Variants in TTC16 observed in about 807,000 individuals in gnomAD.
TTC16 encodes tetratricopeptide repeat domain 16.
A neutral mutation model predicts 80.4 loss-of-function variants in TTC16; 66 were observed. That is an observed-to-expected ratio of 0.82 (90% CI 0.67 to 1.01). The LOEUF (loss-of-function observed/expected upper bound fraction) is 1.01, where lower values mean the gene tolerates loss of function less well. TTC16 is among the 50% of genes least tolerant of loss of function. The pLI is 0.00. For missense variants in TTC16, 1,070 were observed against 1,103.2 expected (o/e 0.97, Z 0.43); for synonymous variants, 438 against 451.3 (o/e 0.97, Z 0.37).
chr9:127,727,029 C>T lies in TTC16; in HGVS notation c.1485C>T (p.Thr495=). ...PGMSVEEVLS[T]QIAHLARLQL... ...TGTCGGTGGAGGAGGTGCTTAGCAC[C>T]CAGATAGCCCACCTGGCCAGGCTGC... Residue 495 remains threonine (T), a synonymous_variant, in exon 11 of 14, where the codon ACC becomes ACT. Transcript: ENST00000373289. 6.2e-7 allele frequency: 1 copy of T among 1,612,732 alleles called. No homozygotes were observed. Among genetic ancestry groups the T allele is most frequent in the South Asian group, 1.1e-5 (1 of 91,088 alleles).
In TTC16 at chr9:127,726,359, C is replaced by T; in HGVS notation, c.1380C>T (p.Arg460=). The T allele has an allele frequency of 1.9e-6, 3 of 1,611,696 alleles. No individual in the cohort carries two copies. The highest frequency in any genetic ancestry group is 2.5e-6 in the Non-Finnish European group (3 of 1,179,060). The change falls in exon 10 of 14, where the codon CGC becomes CGT. Residue 460 remains arginine, a synonymous_variant. Coordinates refer to ENST00000373289, the MANE Select transcript of TTC16 (RefSeq NM_144965.3). Reference sequence around the variant, plus strand: ...TGCTGCAGAACATTTTTGGGGCCCGCCAGGATGTGGCCACTGTCCTGCTCC... The same window carrying T: ...TGCTGCAGAACATTTTTGGGGCCCGTCAGGATGTGGCCACTGTCCTGCTCC... The part of the protein sequence containing the change: ...RQLLQNIFGA[R]QDVATVLLLN...
Position 127,730,594 on chromosome 9 carries a change from G to A in TTC16, c.1853-42G>A, listed in dbSNP as rs1209050665. ...CTTTTCCCAGAGCTGTCCAGGGCAG[G>A]TGCGGCAGGCCTGATGGGTGCTTTT... On this transcript the variant is annotated intron_variant, in intron 13 of 13. Transcript: ENST00000373289. The A allele has an allele frequency of 2.5e-6, 4 of 1,594,502 alleles. No individual in the cohort carries two copies. The Admixed American group carries it at 5.1e-5, about 20-fold the overall frequency.
chr9:127,729,776 G>A, intron 13 of TTC16, 108 bp downstream of exon 13: 1 of 1,005,346 alleles, frequency 9.9e-7, no homozygotes, highest in Non-Finnish European at 1.5e-6. Context: ...CCCCGCTGCT[G>A]ACAGCTGGGT....
chr9:127,724,005 C>T, intron 7 of TTC16, 115 bp from the exon 8 acceptor site: 3 of 1,378,044 alleles, frequency 2.2e-6, no homozygotes, highest in Non-Finnish European at 2.9e-6. Flanking sequence ...ATCCCCACTG[C>T]CTCCATGGGT....
chr9:127,720,399 C>T lies in TTC16; in HGVS notation c.657+4C>T, dbSNP rs1286335308. ...ACTCTACAACTTTCTCCAGAAGGTA[C>T]AGTGGGGAGGGCGGGCAGGGGCATG... is the stretch of plus-strand genomic sequence containing the variant. On this transcript the variant is annotated splice_donor_region_variant and intron_variant, in intron 6 of 13. Coordinates refer to ENST00000373289, the MANE Select transcript of TTC16 (RefSeq NM_144965.3). The T allele has an allele frequency of 1.2e-6, 2 of 1,606,968 alleles. No homozygotes were observed. Among genetic ancestry groups the T allele is most frequent in the South Asian group, 1.1e-5 (1 of 90,868 alleles).
chr9:127,717,549 CAG>C (rs1843139943), intron 3 of TTC16, 78 bp from the exon 4 acceptor site: 1 of 1,583,986 alleles, frequency 6.3e-7, no homozygotes, highest in Non-Finnish European at 8.6e-7. Flanking sequence ...TGTCAACTCT[CAG>C]GGGGGTGGAG....
intron 8 of TTC16, 94 bp downstream of exon 8, chr9:127,724,458 G>A (rs780254577): frequency 6.8e-7 from 1 of 1,472,090 alleles, no homozygotes; most frequent in South Asian, 1.3e-5. Context: ...CTGGGGGGAA[G>A]GAGGAAGGGA....
In TTC16 at chr9:127,724,344, G is replaced by GACTCTAC. The variant is rs1843737748; in HGVS notation, c.1099_1105dup (p.Ile369ThrfsTer128). 6.2e-7 allele frequency: 1 copy of GACTCTAC among 1,603,746 alleles called. No homozygotes were observed. Among genetic ancestry groups the GACTCTAC allele is most frequent in the Non-Finnish European group, 8.5e-7 (1 of 1,175,510 alleles). On this transcript the variant is annotated frameshift_variant, in exon 8 of 14. Transcript: ENST00000373289. LOFTEE classifies it high-confidence loss of function. ...CTCCGGGACGAGCAGCAGGAGAAAG[G>GACTCTAC]ACTCTACATCAACCGAGGCGGTGCG...
intron 12 of TTC16, chr9:127,729,292 G>A (rs1368977802): frequency 1.1e-5 from 4 of 368,184 alleles, no homozygotes; most frequent in Non-Finnish European, 2.0e-5. Flanking sequence ...ATTTACAGAA[G>A]CCTGTTCCAC....
chr9:127,724,591 G>A, intron 8 of TTC16, 165 bp from the exon 9 acceptor site: 2 of 1,132,418 alleles, frequency 1.8e-6, no homozygotes, highest in Non-Finnish European at 1.2e-6. Flanking sequence ...ACAGGCAGCT[G>A]GGGAACAGTG....
intron 7 of TTC16, 61 bp from the exon 8 acceptor site, chr9:127,724,059 G>C: frequency 6.8e-7 from 1 of 1,476,774 alleles, no homozygotes; most frequent in Non-Finnish European, 9.0e-7. Flanking sequence ...CCACTAGCCA[G>C]TCGGTGGGGG....
chr9:127,729,759 C>G (rs1013546691), intron 13 of TTC16, 91 bp downstream of exon 13: 2 of 1,224,718 alleles, frequency 1.6e-6, no homozygotes, highest in Admixed American at 1.8e-5. Context: ...CCTAGGTGTG[C>G]GTTCGGCCCC....
At chr9:127,726,454 C>T in intron 10 of TTC16, 50 bp downstream of exon 10, 1 of 1,474,876 alleles carries the variant, frequency 6.8e-7, no homozygotes, top group Non-Finnish European at 9.1e-7. Context: ...ATGCCCGGTG[C>T]ATAAAGATAC....
At chr9:127,726,155 A>G (rs1386264897) in intron 9 of TTC16, 84 bp from the exon 10 acceptor site, 3 of 1,297,220 alleles carry the variant, frequency 2.3e-6, no homozygotes, top group Non-Finnish European at 3.1e-6. Flanking sequence ...GTTTCCCTCT[A>G]ACTCCTCAGT....
In TTC16 at chr9:127,729,505, GGGCTGCT is replaced by G. The variant is rs1844215715; in HGVS notation, c.1765-72_1765-66del. 5 of 1,261,734 alleles carry G rather than the reference GGGCTGCT, an allele frequency of 4.0e-6. No homozygotes were observed. The South Asian group carries it at 6.0e-5, about 15-fold the overall frequency. The allele number at this position is 1,261,734 out of a possible 1,614,324, so 78.2% of individuals were successfully genotyped here. A position where few individuals can be genotyped will look rare whatever the true frequency, so the allele number is the denominator to read the frequency against. On this transcript the variant is annotated intron_variant, in intron 12 of 13. Coordinates refer to ENST00000373289, the MANE Select transcript of TTC16 (RefSeq NM_144965.3). The stretch of plus-strand genomic sequence containing the variant: ...AGGAGAATGACCACCGAGGGGCCCA[GGGCTGCT>G]GGCCTTCTAGAGGTGCAGCTGCACG...
In TTC16 at chr9:127,727,478, C is replaced by A; in HGVS notation, c.1764+13C>A. ...GGAGAAAAAAGAGGTAAGTGGAGTA[C>A]AGGCCAGGGCTCGGAGCCCTTGGGG... On this transcript the variant is annotated intron_variant, in intron 12 of 13. Coordinates refer to ENST00000373289, the MANE Select transcript of TTC16 (RefSeq NM_144965.3). 6.4e-7 allele frequency: 1 copy of A among 1,555,022 alleles called. No homozygotes were observed. Among genetic ancestry groups the A allele is most frequent in the Admixed American group, 1.9e-5 (1 of 51,290 alleles).
chr9:127,716,987 G>A lies in TTC16; in HGVS notation c.162G>A (p.Gly54=). 6.2e-7 allele frequency: 1 copy of A among 1,613,932 alleles called. No individual in the cohort carries two copies. Among genetic ancestry groups the A allele is most frequent in the Non-Finnish European group, 8.5e-7 (1 of 1,179,850 alleles). ...SICDVKPKVT[G]LTVPLKVREY... ...GTGATGTAAAACCAAAGGTCACAGG[G>A]TTAACAGTGCCCCTCAAAGTCAGGG... Residue 54 remains glycine (G), a synonymous_variant, in exon 2 of 14, where the codon GGG becomes GGA. Transcript: ENST00000373289.
In TTC16 at chr9:127,716,935, G is replaced by C. The variant is rs754429655; in HGVS notation, c.110G>C (p.Gly37Ala). ...APKGILQHIF[G>A]TSHVFQSICD... The stretch of plus-strand genomic sequence containing the variant: ...AAAGGGATCCTGCAGCACATCTTTG[G>C]GACCAGCCACGTGTTCCAAAGCATC... The change falls in exon 2 of 14, where the codon GGG (glycine) becomes GCG (alanine). Residue 37 changes from glycine (G) to alanine (A), a missense_variant. By Grantham distance (60) the Gly-to-Ala change is moderately conservative. Coordinates refer to ENST00000373289, the MANE Select transcript of TTC16 (RefSeq NM_144965.3). 5 of 1,614,116 alleles carry C rather than the reference G, an allele frequency of 3.1e-6. No individual in the cohort carries two copies. The highest frequency in any genetic ancestry group is 2.2e-5 in the East Asian group (1 of 44,876).
Position 127,716,130 on chromosome 9 carries a change from T to G in TTC16, c.-16T>G. 1.2e-6 allele frequency: 2 copies of G among 1,613,980 alleles called. No individual in the cohort carries two copies. Among genetic ancestry groups the G allele is most frequent in the Non-Finnish European group, 1.7e-6 (2 of 1,180,008 alleles). On this transcript the variant is annotated 5_prime_UTR_variant, in exon 1 of 14. Coordinates refer to ENST00000373289, the MANE Select transcript of TTC16 (RefSeq NM_144965.3). The stretch of plus-strand genomic sequence containing the variant: ...GTAGTTGGCAGAGGCCTCGGGGTCC[T>G]CCTGGAAGGGGCCTCATGACAGATT...
Sources: gnomAD v4.1 joint callset for allele counts on GRCh38, gnomAD v4.1.1 for gene constraint, MANE v1.5 for transcripts, NCBI Gene and HGNC (gene_info 2026-07-23, HGNC 2026-07-21) for gene names.